Variants in DCC observed in about 807,000 individuals in gnomAD.
DCC encodes netrin receptor DCC.
A neutral mutation model predicts 172.5 loss-of-function variants in DCC; 58 were observed. That is an observed-to-expected ratio of 0.34 (90% CI 0.27 to 0.42). DCC has a LOEUF of 0.42. Ranked by LOEUF, DCC falls within the 10% of genes least tolerant of loss-of-function variation. DCC has a pLI of 1.00. For synonymous variants in DCC, 709 were observed against 644.5 expected, an observed-to-expected ratio of 1.10 and a Z score of -1.52; for missense variants, 1,740 against 1,791.0, an observed-to-expected ratio of 0.97 and a Z score of 0.51.
chr18:52,819,417 A>G (rs1461660072), intron 2 of DCC, among the ~76,000 whole-genome samples: 1 of 152,232 alleles, frequency 6.6e-6, no homozygotes, highest in Non-Finnish European at 1.5e-5. Flanking sequence ...GAAATGGAAG[A>G]TATTACATAA....
chr18:52,532,898 C>T (rs1432940384), intron 1 of DCC, among the ~76,000 whole-genome samples: 1 of 152,022 alleles, frequency 6.6e-6, no homozygotes, highest in Non-Finnish European at 1.5e-5. Context: ...TGCAGAACAT[C>T]TTCATCTCCC....
chr18:53,422,860 G>A (rs896690138), intron 21 of DCC, among the ~76,000 whole-genome samples: 6 of 152,084 alleles, frequency 3.9e-5, no homozygotes, highest in African/African-American at 1.4e-4. Flanking sequence ...ATTGTGCATA[G>A]TTTCAACACA....
intron 1 of DCC, among the ~76,000 whole-genome samples, chr18:52,743,270 C>T (rs1268635654): frequency 6.6e-6 from 1 of 152,208 alleles, no homozygotes; most frequent in Non-Finnish European, 1.5e-5. Context: ...ATCCCTCTCT[C>T]TACTTAGAGA....
intron 2 of DCC, among the ~76,000 whole-genome samples, chr18:52,772,097 G>A (rs1480020886): frequency 6.6e-6 from 1 of 151,992 alleles, no homozygotes; most frequent in Non-Finnish European, 1.5e-5. Context: ...ACTTACTAGA[G>A]TTGAATCATT....
chr18:52,758,922 A>C (rs527342538), intron 2 of DCC: 4 of 152,282 alleles, frequency 2.6e-5, no homozygotes, highest in African/African-American at 9.6e-5. Context: ...TTTCCATTTT[A>C]CATTTATAGA....
At chr18:52,651,871 G>T (rs1023682614) in intron 1 of DCC, among the ~76,000 whole-genome samples, 2 of 152,114 alleles carry the variant, frequency 1.3e-5, no homozygotes, top group African/African-American at 2.4e-5. Flanking sequence ...AAGAGGGGAA[G>T]AAATTAACTG....
At chr18:52,814,237 G>A (rs1178712060) in intron 2 of DCC, among the ~76,000 whole-genome samples, 1 of 152,216 alleles carries the variant, frequency 6.6e-6, no homozygotes, top group Non-Finnish European at 1.5e-5. Flanking sequence ...CCTCATCAGT[G>A]AAGGAACAAA....
intron 9 of DCC, among the ~76,000 whole-genome samples, chr18:53,179,925 C>G (rs994045869): frequency 2.0e-5 from 3 of 152,146 alleles, no homozygotes; most frequent in Non-Finnish European, 4.4e-5. Flanking sequence ...TGTTAACAAG[C>G]TGCCTTATGT....
intron 1 of DCC, among the ~76,000 whole-genome samples, chr18:52,354,757 G>A (rs1486855699): frequency 6.6e-6 from 1 of 152,148 alleles, no homozygotes; most frequent in Admixed American, 6.6e-5. Context: ...ACAAAGTTCA[G>A]TTCAGGATAT....
At chr18:53,250,123 G>T (rs753055822) in intron 12 of DCC, among the ~76,000 whole-genome samples, 1 of 151,722 alleles carries the variant, frequency 6.6e-6, no homozygotes, top group Non-Finnish European at 1.5e-5. Context: ...GAACTGTTCC[G>T]TTTTTTTAAA....
At chr18:52,629,949 C>CA (rs540334133) in intron 1 of DCC, among the ~76,000 whole-genome samples, 7,470 of 40,862 alleles carry the variant, frequency 0.18, 1,592 homozygotes, top group East Asian at 0.46. Context: ...GACTCCGTCT[C>CA]AAAAAAAAAA....
intron 1 of DCC, among the ~76,000 whole-genome samples, chr18:52,377,585 T>G (rs1412663334): frequency 1.3e-5 from 2 of 152,098 alleles, no homozygotes; most frequent in Non-Finnish European, 2.9e-5. Flanking sequence ...TTATCTTGTC[T>G]TAAATAATAG....
Position 52,936,575 on chromosome 18 carries a change from G to A in DCC, c.985+11205G>A, listed in dbSNP as rs2040384583. On this transcript the variant is annotated intron_variant, in intron 5 of 28. Transcript: ENST00000442544. Reference sequence around the variant, plus strand: ...TGAAGTAGAGGCCCCCGAGGGAAAAGCAAAGTCTATGTACTAATACAGACC... The same window carrying A: ...TGAAGTAGAGGCCCCCGAGGGAAAAACAAAGTCTATGTACTAATACAGACC... Among the ~76,000 whole-genome samples the A allele has an allele frequency of 3.2e-5, 2 of 62,696 alleles. 1 individual carries two copies. Among genetic ancestry groups the A allele is most frequent in the African/African-American group, 1.0e-4 (2 of 20,094 alleles). 41.1% of individuals were successfully genotyped at this position (62,696 alleles called of 152,430 possible).
At chr18:52,449,561 G>A (rs753019541) in intron 1 of DCC, among the ~76,000 whole-genome samples, 1 of 152,222 alleles carries the variant, frequency 6.6e-6, no homozygotes, top group Admixed American at 6.5e-5. Flanking sequence ...AGATAACAAT[G>A]AAACGATGAC....
At chr18:53,488,683 A>C (rs2045928780) in intron 26 of DCC, among the ~76,000 whole-genome samples, 1 of 152,190 alleles carries the variant, frequency 6.6e-6, no homozygotes, top group Admixed American at 6.5e-5. Flanking sequence ...AAAATGAATA[A>C]AGGGAATTGA....
chr18:52,553,045 A>C (rs2032818372), intron 1 of DCC, among the ~76,000 whole-genome samples: 2 of 152,082 alleles, frequency 1.3e-5, no homozygotes, highest in Admixed American at 6.6e-5. Context: ...TTCAACATTA[A>C]GATTTTGACA....
At chr18:53,477,811 T>C (rs1363043282) in intron 25 of DCC, among the ~76,000 whole-genome samples, 2 of 152,150 alleles carry the variant, frequency 1.3e-5, no homozygotes, top group Admixed American at 6.6e-5. Flanking sequence ...TTCTTCACAG[T>C]AAAATTAGCT....
intron 27 of DCC, among the ~76,000 whole-genome samples, chr18:53,502,518 A>G (rs1274704854): frequency 6.6e-6 from 1 of 152,216 alleles, no homozygotes. Flanking sequence ...TCTTAGACTT[A>G]AAGATGAAAT....
At chr18:53,281,246 A>G (rs902771979) in intron 12 of DCC, among the ~76,000 whole-genome samples, 1 of 152,138 alleles carries the variant, frequency 6.6e-6, no homozygotes, top group Non-Finnish European at 1.5e-5. Flanking sequence ...ATATATTTTC[A>G]TGATCCTAAT....
Sources: gnomAD v4.1 joint callset for allele counts (sites outside exome capture counted in the v4.1 genomes callset) on GRCh38, gnomAD v4.1.1 for gene constraint, MANE v1.5 for transcripts, NCBI Gene and HGNC (gene_info 2026-07-23, HGNC 2026-07-21) for gene names.